PIP5K1B: variants seen among roughly 807,000 people sequenced by gnomAD.
The protein encoded by PIP5K1B is phosphatidylinositol-4-phosphate 5-kinase type 1 beta, also known as phosphatidylinositol 4-phosphate 5-kinase type-1 beta.
Under a neutral mutation model 67.0 loss-of-function variants are expected in PIP5K1B, and 42 were observed. The observed-to-expected ratio is 0.63, with a 90% CI of 0.49 to 0.81. The LOEUF is 0.81. Among genes scored for constraint, PIP5K1B ranks in the 30% least tolerant of loss-of-function variants. The pLI, the probability that PIP5K1B is intolerant of heterozygous loss-of-function variation, is 0.00. For missense variants in PIP5K1B, 459 were observed against 646.3 expected (o/e 0.71, Z 3.14); for synonymous variants, 214 against 231.4 (o/e 0.92, Z 0.68).
chr9:68,780,593 A>T, intron 2 of PIP5K1B: 1 of 1,614,170 alleles, frequency 6.2e-7, no homozygotes, highest in South Asian at 1.1e-5. Context: ...TTCCTGTGTC[A>T]CCAGCACCGT....
In PIP5K1B at chr9:68,780,785, A is replaced by G. The variant is rs750557878; in HGVS notation, c.-85-37676A>G. On this transcript the variant is annotated intron_variant, in intron 2 of 15. Coordinates refer to ENST00000265382, the MANE Select transcript of PIP5K1B (RefSeq NM_003558.4). ...TTGGACCATTGAAAAGAAAATGTGAAATGGAAACTGAATATCAGCCAAAGA... is the reference window on the plus strand; with the variant it reads ...TTGGACCATTGAAAAGAAAATGTGAGATGGAAACTGAATATCAGCCAAAGA... 6 of 1,614,100 alleles carry G rather than the reference A, an allele frequency of 3.7e-6. No individual in the cohort carries two copies. In the South Asian group the frequency reaches 5.5e-5, roughly 15 times the overall value.
intron 1 of PIP5K1B, among the ~76,000 whole-genome samples, chr9:68,732,922 G>C (rs902983316): frequency 4.0e-5 from 6 of 151,736 alleles, no homozygotes; most frequent in East Asian, 1.9e-4. Flanking sequence ...GGGTTGGGGG[G>C]GGGGCGGCGC....
At chr9:68,923,484 C>T in intron 12 of PIP5K1B, 98 bp downstream of exon 12, 1 of 630,920 alleles carries the variant, frequency 1.6e-6, no homozygotes, top group Admixed American at 3.0e-5. Flanking sequence ...ATTTCTCTCC[C>T]TGCAGCAGTA....
At position 68,815,789 on chromosome 9, in the gene PIP5K1B, C is replaced by A. The variant is rs28484614; in HGVS notation, c.-85-2672C>A. 4.7e-3 allele frequency among the ~76,000 whole-genome samples: 721 copies of A among 151,924 alleles called. 7 individuals carry two copies. Among genetic ancestry groups the A allele is most frequent in the African/African-American group, 0.017 (690 of 41,466 alleles). ...TATGCTTTTAAGAAGATTAAGAAATCAAATCAAAGATTTATTCTAGAAACA... is the reference window on the plus strand; with the variant it reads ...TATGCTTTTAAGAAGATTAAGAAATAAAATCAAAGATTTATTCTAGAAACA... On this transcript the variant is annotated intron_variant, in intron 2 of 15. Coordinates refer to ENST00000265382, the MANE Select transcript of PIP5K1B (RefSeq NM_003558.4).
chr9:68,968,580 G>A (rs1040186631), intron 14 of PIP5K1B, among the ~76,000 whole-genome samples: 1 of 150,842 alleles, frequency 6.6e-6, no homozygotes, highest in Admixed American at 6.6e-5. Flanking sequence ...GTGAAACATA[G>A]TATCTACAGA....
intron 15 of PIP5K1B, among the ~76,000 whole-genome samples, chr9:68,994,580 A>G (rs1262496045): frequency 6.6e-6 from 1 of 152,162 alleles, no homozygotes; most frequent in African/African-American, 2.4e-5. Context: ...AGAAAGCTCC[A>G]TCGTACATCC....
chr9:68,964,829 A>G (rs1828936638), intron 14 of PIP5K1B, among the ~76,000 whole-genome samples: 1 of 152,224 alleles, frequency 6.6e-6, no homozygotes, highest in Non-Finnish European at 1.5e-5. Flanking sequence ...CAATTCTGGA[A>G]TTCTCTTAGC....
intron 2 of PIP5K1B, among the ~76,000 whole-genome samples, chr9:68,786,477 A>G (rs571660384): frequency 1.9e-5 from 2 of 107,452 alleles, no homozygotes; most frequent in Non-Finnish European, 3.8e-5. Context: ...TATTATTATT[A>G]TAAACTTTTT....
intron 2 of PIP5K1B, among the ~76,000 whole-genome samples, chr9:68,795,958 A>G (rs1462796340): frequency 2.0e-5 from 3 of 152,252 alleles, no homozygotes; most frequent in Admixed American, 6.5e-5. Context: ...ATACTGAAAC[A>G]GGCAAATTAC....
In PIP5K1B at chr9:68,925,795, A is replaced by ATTTTTTTTTTTTTTTTTTTTTTTTTTTTT; in HGVS notation, c.1201+2429_1201+2430insTTTTTTTTTTTTTTTTTTTTTTTTTTTTT. 7.9e-4 allele frequency among the ~76,000 whole-genome samples: 58 copies of ATTTTTTTTTTTTTTTTTTTTTTTTTTTTT among 73,272 alleles called. 14 individuals carry two copies. The highest frequency in any genetic ancestry group is 7.0e-3 in the East Asian group (11 of 1,572). 48.1% of individuals were successfully genotyped at this position (73,272 alleles called of 152,430 possible). On this transcript the variant is annotated intron_variant, in intron 12 of 15. Coordinates refer to ENST00000265382, the MANE Select transcript of PIP5K1B (RefSeq NM_003558.4). Reference sequence around the variant, plus strand: ...ACATGAATACCAGCTTGTGGTTCCAATTTTTTTTTTTTTTTTTTTTGAGAC... The same window carrying ATTTTTTTTTTTTTTTTTTTTTTTTTTTTT: ...ACATGAATACCAGCTTGTGGTTCCAATTTTTTTTTTTTTTTTTTTTTTTTTTTTTTTTTTTTTTTTTTTTTTTTTGAGAC...
chr9:68,971,358 T>C (rs1381760323), intron 14 of PIP5K1B, among the ~76,000 whole-genome samples: 1 of 152,234 alleles, frequency 6.6e-6, no homozygotes, highest in African/African-American at 2.4e-5. Context: ...TATTCCATGG[T>C]GTATATGTAC....
At chr9:68,789,530 TG>T in intron 2 of PIP5K1B, 1 of 517,508 alleles carries the variant, frequency 1.9e-6, no homozygotes, top group South Asian at 1.4e-5. Flanking sequence ...TAGGGATAAC[TG>T]GAGGCACACT....
intron 1 of PIP5K1B, among the ~76,000 whole-genome samples, chr9:68,714,941 C>T (rs751627879): frequency 6.6e-6 from 1 of 152,172 alleles, no homozygotes; most frequent in Non-Finnish European, 1.5e-5. Flanking sequence ...TATACTCTGC[C>T]CCTGAGTTCC....
intron 1 of PIP5K1B, among the ~76,000 whole-genome samples, chr9:68,710,349 G>A (rs568956888): frequency 6.6e-6 from 1 of 152,182 alleles, no homozygotes; most frequent in Admixed American, 6.5e-5. Context: ...AACTGGGGTG[G>A]GAGGAAACCT....
chr9:68,995,137 T>C (rs10746985), intron 15 of PIP5K1B, among the ~76,000 whole-genome samples: 134,956 of 150,120 alleles, frequency 0.9, 60,998 homozygotes, highest in East Asian at 0.97. Flanking sequence ...GAGTGAGACA[T>C]GGTCTCTAAA....
intron 2 of PIP5K1B, among the ~76,000 whole-genome samples, chr9:68,750,467 T>C (rs1049802741): frequency 1.3e-5 from 2 of 152,250 alleles, no homozygotes; most frequent in African/African-American, 2.4e-5. Context: ...CATTCACTTA[T>C]GAATGTGTCA....
chr9:68,965,218 T>A (rs896920586), intron 14 of PIP5K1B, among the ~76,000 whole-genome samples: 6 of 10,698 alleles, frequency 5.6e-4, no homozygotes, highest in African/African-American at 6.7e-4. Flanking sequence ...AAAATATATA[T>A]GACTAGTACA....
chr9:68,955,373 A>G (rs758149957), intron 14 of PIP5K1B, among the ~76,000 whole-genome samples: 3 of 152,252 alleles, frequency 2.0e-5, no homozygotes, highest in Non-Finnish European at 4.4e-5. Flanking sequence ...AAGTGCAAAC[A>G]GATGTGTTGA....
chr9:68,793,957 CAG>C (rs1360858941), intron 2 of PIP5K1B, among the ~76,000 whole-genome samples: 2 of 152,170 alleles, frequency 1.3e-5, no homozygotes, highest in African/African-American at 4.8e-5. Context: ...CTAGAGCAAT[CAG>C]AGAGGTAGGA....
Sources: gnomAD v4.1 joint callset for allele counts (sites outside exome capture counted in the v4.1 genomes callset) on GRCh38, gnomAD v4.1.1 for gene constraint, MANE v1.5 for transcripts, NCBI Gene and HGNC (gene_info 2026-07-23, HGNC 2026-07-21) for gene names.